RGS7: variants seen among roughly 807,000 people sequenced by gnomAD.
RGS7 encodes regulator of G-protein signaling 7.
Under a neutral mutation model 81.1 loss-of-function variants are expected in RGS7, and 27 were observed. The ratio of observed to expected loss-of-function variants is 0.33; its 90% CI spans 0.25 to 0.46. The LOEUF (loss-of-function observed/expected upper bound fraction) is 0.46, where lower values mean the gene tolerates loss of function less well. Among genes scored for constraint, RGS7 ranks in the 20% least tolerant of loss-of-function variants. The pLI, the probability that RGS7 is intolerant of heterozygous loss-of-function variation, is 1.00. For synonymous variants in RGS7, 208 were observed against 207.7 expected, an observed-to-expected ratio of 1.00 and a Z score of -0.01; for missense variants, 396 against 607.4, an observed-to-expected ratio of 0.65 and a Z score of 3.66.
At chr1:241,216,037 C>T (rs543337896) in intron 2 of RGS7, among the ~76,000 whole-genome samples, 7 of 151,694 alleles carry the variant, frequency 4.6e-5, no homozygotes, top group Admixed American at 4.6e-4. Flanking sequence ...TTTGGGAGGC[C>T]GAGGCAGGAA....
At chr1:241,186,375 T>G in intron 2 of RGS7, 1 of 332,100 alleles carries the variant, frequency 3.0e-6, no homozygotes, top group Non-Finnish European at 4.3e-6. Context: ...TTTCACATTT[T>G]GATTAAGTCC....
At chr1:241,142,637 G>T (rs554425716) in intron 2 of RGS7, among the ~76,000 whole-genome samples, 24 of 152,314 alleles carry the variant, frequency 1.6e-4, no homozygotes, top group Non-Finnish European at 2.9e-4. Context: ...GGAATCCTGG[G>T]CCTGGCCAAT....
intron 2 of RGS7, among the ~76,000 whole-genome samples, chr1:241,328,965 A>G (rs977864196): frequency 1.3e-5 from 2 of 152,184 alleles, no homozygotes; most frequent in East Asian, 3.9e-4. Context: ...TCAACAATAA[A>G]TGTGAAATGG....
At chr1:240,894,765 T>C (rs1401574324) in intron 6 of RGS7, among the ~76,000 whole-genome samples, 1 of 152,230 alleles carries the variant, frequency 6.6e-6, no homozygotes, top group Non-Finnish European at 1.5e-5. Flanking sequence ...TTTACTTTTC[T>C]TTATGATACA....
At chr1:240,783,711 T>C (rs1684520750) in intron 18 of RGS7, among the ~76,000 whole-genome samples, 1 of 151,806 alleles carries the variant, frequency 6.6e-6, no homozygotes, top group Non-Finnish European at 1.5e-5. Flanking sequence ...CCTGAGTCAG[T>C]AGGAATTGAT....
intron 4 of RGS7, among the ~76,000 whole-genome samples, chr1:240,969,253 C>T (rs1247092925): frequency 2.0e-5 from 3 of 151,994 alleles, no homozygotes; most frequent in Non-Finnish European, 4.4e-5. Context: ...AAATTCAAGT[C>T]GGCTTATAAA....
At chr1:241,074,121 C>T (rs780405528) in intron 3 of RGS7, among the ~76,000 whole-genome samples, 2 of 152,084 alleles carry the variant, frequency 1.3e-5, no homozygotes, top group Non-Finnish European at 2.9e-5. Context: ...GGCTGGCAAA[C>T]TCCTGACCTG....
chr1:240,810,991 C>T (rs1689751153), intron 14 of RGS7, among the ~76,000 whole-genome samples: 1 of 152,218 alleles, frequency 6.6e-6, no homozygotes, highest in African/African-American at 2.4e-5. Context: ...ATCCATGCGA[C>T]ATGTGTCAGC....
chr1:241,154,808 A>G (rs2103152371), intron 2 of RGS7, among the ~76,000 whole-genome samples: 1 of 152,348 alleles, frequency 6.6e-6, no homozygotes, highest in South Asian at 2.1e-4. Context: ...TTTCACTGTC[A>G]GTGATGGCAG....
At chr1:240,853,941 T>C (rs1660616918) in intron 9 of RGS7, among the ~76,000 whole-genome samples, 1 of 145,868 alleles carries the variant, frequency 6.9e-6, no homozygotes, top group African/African-American at 2.5e-5. Flanking sequence ...ATGTTCTTCA[T>C]TTTAGAAATG....
At chr1:240,970,540 G>A (rs572309359) in intron 4 of RGS7, among the ~76,000 whole-genome samples, 1 of 152,180 alleles carries the variant, frequency 6.6e-6, no homozygotes, top group East Asian at 1.9e-4. Flanking sequence ...GGTCCCAACA[G>A]GTTGGATGTG....
At chr1:241,024,643 A>G (rs960104724) in intron 3 of RGS7, among the ~76,000 whole-genome samples, 4 of 152,226 alleles carry the variant, frequency 2.6e-5, no homozygotes, top group African/African-American at 9.6e-5. Flanking sequence ...GCCGAATGGA[A>G]GAATAAATTA....
intron 6 of RGS7, among the ~76,000 whole-genome samples, chr1:240,913,223 T>C (rs977321117): frequency 2.6e-5 from 4 of 152,264 alleles, no homozygotes; most frequent in Admixed American, 2.6e-4. Context: ...ATGTGAATAA[T>C]TGTTTTTATT....
Position 241,216,244 on chromosome 1 carries a change from C to A in RGS7, c.79-117482G>T, listed in dbSNP as rs185561439. Among the ~76,000 whole-genome samples the A allele has an allele frequency of 2.6e-5, 4 of 151,722 alleles. No individual in the cohort carries two copies. In the East Asian group the frequency reaches 7.8e-4, roughly 29 times the overall value. On this transcript the variant is annotated intron_variant, in intron 2 of 18. Coordinates refer to ENST00000440928, the MANE Select transcript of RGS7 (RefSeq NM_001364886.1). ...CCGAGATGGTGCCACTGCACTCCAG[C>A]CTGGGTGACAAAGCGAGACCCTGTC...
intron 4 of RGS7, among the ~76,000 whole-genome samples, chr1:240,976,725 C>CTCTATCTATCTATCTATCTA (rs3044718): frequency 6.8e-6 from 1 of 148,048 alleles, no homozygotes; most frequent in Non-Finnish European, 1.5e-5. Context: ...TCCTCAAAAT[C>CTCTATCTATCTATCTATCTA]TCTATCTATC....
intron 2 of RGS7, among the ~76,000 whole-genome samples, chr1:241,259,591 G>A (rs772685999): frequency 2.1e-5 from 3 of 144,620 alleles, no homozygotes; most frequent in Non-Finnish European, 4.5e-5. Flanking sequence ...TGGAGATTGC[G>A]GTGAGCTGAG....
rs1459597408 is a variant in RGS7 at position 240,800,792 on chromosome 1, C to A, written c.1414-71G>T. 74 of 804,130 alleles carry A rather than the reference C, an allele frequency of 9.2e-5. No individual in the cohort carries two copies. In the East Asian group the frequency reaches 1.9e-3, roughly 21 times the overall value. The allele number at this position is 804,130 out of a possible 1,614,324, so 49.8% of individuals were successfully genotyped here. A position where few individuals can be genotyped will look rare whatever the true frequency, so the allele number is the denominator to read the frequency against. ...TGTCAGAAAGTTCCAAAGGCACTGGCACAATACAAAAAAAAGAATCTTACA... is the reference window on the plus strand; with the variant it reads ...TGTCAGAAAGTTCCAAAGGCACTGGAACAATACAAAAAAAAGAATCTTACA... On this transcript the variant is annotated intron_variant, in intron 17 of 18. Transcript: ENST00000440928.
At chr1:240,836,114 G>A (rs1434026246) in intron 9 of RGS7, among the ~76,000 whole-genome samples, 2 of 127,402 alleles carry the variant, frequency 1.6e-5, no homozygotes, top group Non-Finnish European at 3.2e-5. Context: ...TCGGTTAATC[G>A]ATTACAACAA....
chr1:240,942,171 C>T (rs6682594), intron 4 of RGS7, among the ~76,000 whole-genome samples: 17,226 of 152,056 alleles, frequency 0.11, 2,131 homozygotes, highest in African/African-American at 0.31. Context: ...CCTCGGATAG[C>T]GAAGAGAATT....
Sources: allele counts gnomAD v4.1 joint callset (sites outside exome capture counted in the v4.1 genomes callset), GRCh38; gene constraint gnomAD v4.1.1; transcripts MANE v1.5; gene names NCBI Gene and HGNC (gene_info 2026-07-23, HGNC 2026-07-21).